RPAP1: variants seen among roughly 807,000 people sequenced by gnomAD.
RPAP1 encodes RNA polymerase II-associated protein 1.
A neutral mutation model predicts 142.4 loss-of-function variants in RPAP1; 109 were observed. That is an observed-to-expected ratio of 0.77 (90% CI 0.66 to 0.90). RPAP1 has a LOEUF of 0.90. Among genes scored for constraint, RPAP1 ranks in the 40% least tolerant of loss-of-function variants. RPAP1 has a pLI of 0.00. For missense variants in RPAP1, 1,546 were observed against 1,751.7 expected, an observed-to-expected ratio of 0.88 and a Z score of 2.10; for synonymous variants, 704 against 738.9, an observed-to-expected ratio of 0.95 and a Z score of 0.77.
intron 17 of RPAP1, 141 bp downstream of exon 17, chr15:41,523,630 G>C: frequency 1.2e-6 from 1 of 827,416 alleles, no homozygotes; most frequent in Non-Finnish European, 1.9e-6. Context: ...GTAGAAAGAG[G>C]AGGAAGGGTA....
rs140810133 is a variant in RPAP1, at chr15:41,520,702, C to T, written c.3484G>A (p.Val1162Met). Reference protein sequence around the residue: ...PAARLARLMCVFLVDSELFRE... With the variant: ...PAARLARLMCMFLVDSELFRE... Reference sequence around the variant, plus strand: ...AACAGCTCACTGTCCACCAGGAACACACACATGAGCCGTGCCAGGCGGGCA... The same window carrying T: ...AACAGCTCACTGTCCACCAGGAACATACACATGAGCCGTGCCAGGCGGGCA... The change falls in exon 22 of 25, where the codon GTG becomes ATG. Residue 1162 changes from valine to methionine, a missense_variant. By Grantham distance (21) the Val-to-Met change is conservative (BLOSUM62 1). Around this residue, in one of 3 missense-constraint regions of RPAP1, gnomAD observed 1,333 missense variants for 1,486.6 expected, o/e 0.90. Coordinates refer to ENST00000304330, the MANE Select transcript of RPAP1 (RefSeq NM_015540.4). The T allele has an allele frequency of 8.1e-6, 13 of 1,614,096 alleles. No homozygotes were observed. In the African/African-American group the frequency reaches 1.5e-4, roughly 18 times the overall value.
chr15:41,536,203 A>G lies in RPAP1; in HGVS notation c.346T>C (p.Ser116Pro). Residue 116 changes from serine (S) to proline (P), a missense_variant, in exon 4 of 25, where the codon TCA (serine) becomes CCA (proline). Physicochemically the swap from Ser to Pro is moderately conservative, Grantham distance 74. Coordinates refer to ENST00000304330, the MANE Select transcript of RPAP1 (RefSeq NM_015540.4). Reference protein sequence around the residue: ...LTKIIERDTSSVAVNLPVPSG... With the variant: ...LTKIIERDTSPVAVNLPVPSG... ...GGCACAGGCAGATTCACGGCCACTG[A>G]ACTTGTATCTCGTTCCTGTAGCAAC... is the stretch of plus-strand genomic sequence containing the variant. 1 of 1,614,068 alleles carries G rather than the reference A, an allele frequency of 6.2e-7. No homozygotes were observed. The highest frequency in any genetic ancestry group is 8.5e-7 in the Non-Finnish European group (1 of 1,180,002).
At chr15:41,533,998 T>G (rs2051881916) in intron 6 of RPAP1, among the ~76,000 whole-genome samples, 2 of 151,734 alleles carry the variant, frequency 1.3e-5, no homozygotes, top group Admixed American at 1.3e-4. Flanking sequence ...GGTGGGCACC[T>G]GTAATCCCAG....
In RPAP1 at chr15:41,527,181, C is replaced by G; in HGVS notation, c.1732G>C (p.Glu578Gln). ...TTTTTTCTCACCCTTGTGGCTGATTCCAGGGAATGCCGGGCCAGGCGGATG... is the reference window on the plus strand; with the variant it reads ...TTTTTTCTCACCCTTGTGGCTGATTGCAGGGAATGCCGGGCCAGGCGGATG... ...VLIRLARHSL[E>Q]SATRVLECPR... Residue 578 changes from glutamate (E) to glutamine (Q), a missense_variant, in exon 13 of 25, where the codon GAA becomes CAA. Transcript: ENST00000304330. The G allele has an allele frequency of 6.2e-7, 1 of 1,614,184 alleles. No individual in the cohort carries two copies.
intron 1 of RPAP1, among the ~76,000 whole-genome samples, chr15:41,539,869 A>G (rs182805887): frequency 5.3e-5 from 8 of 152,036 alleles, no homozygotes; most frequent in African/African-American, 1.9e-4. Flanking sequence ...GTCTCTACTA[A>G]AAATACAAAA....
At position 41,537,102 on chromosome 15, in the gene RPAP1, C is replaced by A; in HGVS notation, c.24G>T (p.Gly8=). ...AGTGCAGCAGGTCCACCTCGGACTCCCCTGGCTTCGGTCTCGACAGCATCT... is the reference window on the plus strand; with the variant it reads ...AGTGCAGCAGGTCCACCTCGGACTCACCTGGCTTCGGTCTCGACAGCATCT... MLSRPKP[G]ESEVDLLHFQ... is the part of the protein sequence containing the mutation. Residue 8 remains glycine, a synonymous_variant, in exon 2 of 25, where the codon GGG becomes GGT. Transcript: ENST00000304330. 2 of 1,614,128 alleles carry A rather than the reference C, an allele frequency of 1.2e-6. No homozygotes were observed. Among genetic ancestry groups the A allele is most frequent in the South Asian group, 2.2e-5 (2 of 91,072 alleles).
At chr15:41,522,071 G>A in intron 20 of RPAP1, 27 bp downstream of exon 20, 1 of 1,610,132 alleles carries the variant, frequency 6.2e-7, no homozygotes, top group Non-Finnish European at 8.5e-7. Context: ...GGGATGACAG[G>A]AGAACCTGTC....
chr15:41,520,819 T>C lies in RPAP1; in HGVS notation c.3367A>G (p.Thr1123Ala), dbSNP rs1457103033. ...ASDTPSGLSPTDTMGTAMRVL... is the reference protein window; with the variant it reads ...ASDTPSGLSPADTMGTAMRVL... ...CGCATGGCTGTGCCCATGGTGTCTG[T>C]GGGAGAGAGTCCCGAGGGGGTGTCT... Residue 1123 changes from threonine to alanine, a missense_variant, in exon 22 of 25, where the codon ACA becomes GCA. Transcript: ENST00000304330. The C allele has an allele frequency of 1.2e-6, 2 of 1,613,674 alleles. No individual in the cohort carries two copies. Among genetic ancestry groups the C allele is most frequent in the East Asian group, 2.2e-5 (1 of 44,890 alleles).
intron 14 of RPAP1, among the ~76,000 whole-genome samples, chr15:41,525,413 A>T (rs2051781373): frequency 6.6e-6 from 1 of 151,948 alleles, no homozygotes; most frequent in Admixed American, 6.6e-5. Context: ...ATCTTGGCTC[A>T]CCACAACTTC....
rs927913484 is a variant in RPAP1, at chr15:41,517,874, G to A, written c.3973-17C>T. 16 of 1,614,006 alleles carry A rather than the reference G, an allele frequency of 9.9e-6. No individual in the cohort carries two copies. The highest frequency in any genetic ancestry group is 1.3e-5 in the Non-Finnish European group (15 of 1,180,030). ...GACCTCATCCTAGAAGCAGAACAGGGAGAGGTGGCACTGAGCCGAGGGCTG... is the reference window on the plus strand; with the variant it reads ...GACCTCATCCTAGAAGCAGAACAGGAAGAGGTGGCACTGAGCCGAGGGCTG... On this transcript the variant is annotated splice_polypyrimidine_tract_variant and intron_variant, in intron 23 of 24. Transcript: ENST00000304330.
intron 19 of RPAP1, 167 bp downstream of exon 19, chr15:41,522,598 C>CAGGCTGGT (rs1210976057): frequency 8.3e-6 from 5 of 600,054 alleles, no homozygotes; most frequent in Non-Finnish European, 1.1e-5. Context: ...CCATGTTGGC[C>CAGGCTGGT]AGGCTGGTCT....
chr15:41,537,267 G>A (rs573107236), intron 1 of RPAP1, 66 bp from the exon 2 acceptor site: 63 of 771,920 alleles, frequency 8.2e-5, no homozygotes, highest in African/African-American at 7.4e-4. Flanking sequence ...GGGCAACAGC[G>A]AAGATCTTCT....
rs78668911 is a variant in RPAP1, at chr15:41,538,783, A to G, written c.-76-1582T>C. Among the ~76,000 whole-genome samples the G allele has an allele frequency of 2.2e-3, 340 of 152,346 alleles. 9 individuals carry two copies. The East Asian group carries it at 0.06, about 27-fold the overall frequency. On this transcript the variant is annotated intron_variant, in intron 1 of 24. Transcript: ENST00000304330. ...AAAGAAATTAACATAGAGACCTTAC[A>G]TTTATTTGTCAACAAAAAGGAATGA...
chr15:41,524,928 G>T, intron 15 of RPAP1, 63 bp downstream of exon 15: 1 of 1,550,094 alleles, frequency 6.5e-7, no homozygotes, highest in South Asian at 1.1e-5. Flanking sequence ...TGAGGTGTTT[G>T]ATTTGGCCAG....
intron 5 of RPAP1, 129 bp downstream of exon 5, chr15:41,535,383 T>A: frequency 5.3e-6 from 7 of 1,313,350 alleles, no homozygotes; most frequent in Non-Finnish European, 7.3e-6. Context: ...CCATACCTAG[T>A]ATTCTCAGAC....
chr15:41,543,064 G>A (rs141490619), intron 1 of RPAP1, among the ~76,000 whole-genome samples: 53 of 152,204 alleles, frequency 3.5e-4, no homozygotes, highest in Middle Eastern at 3.4e-3. Context: ...CATAGGGTGC[G>A]CCATACCTAC....
chr15:41,537,234 A>G, intron 1 of RPAP1, 33 bp from the exon 2 acceptor site: 6 of 1,070,140 alleles, frequency 5.6e-6, no homozygotes, highest in Non-Finnish European at 8.1e-6. Context: ...GCCCTCTGCA[A>G]CTGAACCCTG....
chr15:41,534,134 A>AG (rs2051884148), intron 6 of RPAP1, among the ~76,000 whole-genome samples: 2 of 150,624 alleles, frequency 1.3e-5, no homozygotes, highest in African/African-American at 4.9e-5. Context: ...AAAAAAAAAA[A>AG]AGGCCGGGCA....
Position 41,521,815 on chromosome 15 carries a change from C to T in RPAP1, c.2961G>A (p.Leu987=). The change falls in exon 21 of 25, where the codon CTG becomes CTA. Residue 987 remains leucine, a synonymous_variant. Coordinates refer to ENST00000304330, the MANE Select transcript of RPAP1 (RefSeq NM_015540.4). Reference sequence around the variant, plus strand: ...ACTCACTTCCGGGCAGCAGCCGGCTCAGCAGGGCCAAGGCCATACCATGAT... The same window carrying T: ...ACTCACTTCCGGGCAGCAGCCGGCTTAGCAGGGCCAAGGCCATACCATGAT... ...ALYHGMALAL[L]SRLLPGSEYL... is the part of the protein sequence containing the mutation. The T allele has an allele frequency of 6.2e-7, 1 of 1,614,186 alleles. No homozygotes were observed. The highest frequency in any genetic ancestry group is 8.5e-7 in the Non-Finnish European group (1 of 1,180,040).
Sources: gnomAD v4.1 joint callset for allele counts (sites outside exome capture counted in the v4.1 genomes callset) on GRCh38, gnomAD v4.1.1 for gene constraint, gnomAD v4.1.1 regional missense constraint, MANE v1.5 for transcripts, NCBI Gene and HGNC (gene_info 2026-07-23, HGNC 2026-07-21) for gene names.